Variants in TRIM44 observed in about 807,000 individuals in gnomAD.
TRIM44 encodes tripartite motif containing 44, also known as tripartite motif-containing protein 44.
In TRIM44, 13 loss-of-function variants were observed where a neutral mutation model predicts 37.4. The observed-to-expected ratio is 0.35, with a 90% CI of 0.23 to 0.55. TRIM44 has a LOEUF of 0.55. TRIM44 is among the 20% of genes least tolerant of loss of function. The pLI, the probability that TRIM44 is intolerant of heterozygous loss-of-function variation, is 0.89. For missense variants in TRIM44, 426 were observed against 437.2 expected, an observed-to-expected ratio of 0.97 and a Z score of 0.23; for synonymous variants, 175 against 157.2, an observed-to-expected ratio of 1.11 and a Z score of -0.85.
At chr11:35,709,992 A>C (rs1851946326) in intron 2 of TRIM44, among the ~76,000 whole-genome samples, 1 of 152,196 alleles carries the variant, frequency 6.6e-6, no homozygotes, top group South Asian at 2.1e-4. Flanking sequence ...CAGAAATTGG[A>C]AGTGAGGTAC....
intron 2 of TRIM44, among the ~76,000 whole-genome samples, chr11:35,723,003 C>A (rs1852127368): frequency 6.6e-6 from 1 of 152,098 alleles, no homozygotes; most frequent in Non-Finnish European, 1.5e-5. Flanking sequence ...ATCTCTCTCT[C>A]TTTCTCTCTC....
In TRIM44 at chr11:35,682,531, C is replaced by G. The variant is rs570312357; in HGVS notation, c.670-2728C>G. ...CTTATTTTATAGATTTTTAAAAAAGCCTTTGGGAAAGGTTTTCTTCACCAC... is the reference window on the plus strand; with the variant it reads ...CTTATTTTATAGATTTTTAAAAAAGGCTTTGGGAAAGGTTTTCTTCACCAC... On this transcript the variant is annotated intron_variant, in intron 1 of 4. Transcript: ENST00000299413. Among the ~76,000 whole-genome samples the G allele has an allele frequency of 5.9e-5, 9 of 152,234 alleles. No individual in the cohort carries two copies. The East Asian group carries it at 1.5e-3, about 26-fold the overall frequency.
rs568995231 is a variant in TRIM44, at chr11:35,814,930, C to T, written c.*8545C>T. 3.9e-5 allele frequency: 6 copies of T among 152,228 alleles called. No individual in the cohort carries two copies. Among genetic ancestry groups the T allele is most frequent in the East Asian group, 1.9e-4 (1 of 5,160 alleles). The allele number at this position is 152,228 out of a possible 1,614,324, so 9.4% of individuals were successfully genotyped here. A position where few individuals can be genotyped will look rare whatever the true frequency, so the allele number is the denominator to read the frequency against. On this transcript the variant is annotated 3_prime_UTR_variant, in exon 5 of 5. Coordinates refer to ENST00000299413, the MANE Select transcript of TRIM44 (RefSeq NM_017583.6). The stretch of plus-strand genomic sequence containing the variant: ...ACCACTTCCCAATGATAATGCCTGG[C>T]TCGGACCCCAGATTCACATCATACT...
At chr11:35,764,428 G>T (rs866493550) in intron 4 of TRIM44, among the ~76,000 whole-genome samples, 2 of 152,046 alleles carry the variant, frequency 1.3e-5, no homozygotes, top group Non-Finnish European at 2.9e-5. Context: ...TCGGAGAGGC[G>T]GCAGAAAACA....
rs1190884852 is a variant in TRIM44, at chr11:35,807,761, T to C, written c.*1376T>C. ...TAGGAATCTTGCAAGGTAATTCTTA[T>C]TTGCAAGTGGGTTATGTGTTCACTC... On this transcript the variant is annotated 3_prime_UTR_variant, in exon 5 of 5. Coordinates refer to ENST00000299413, the MANE Select transcript of TRIM44 (RefSeq NM_017583.6). 2.0e-5 allele frequency: 3 copies of C among 152,190 alleles called. No individual in the cohort carries two copies. Among genetic ancestry groups the C allele is most frequent in the South Asian group, 2.1e-4 (1 of 4,820 alleles). The allele number at this position is 152,190 out of a possible 1,614,324, so 9.4% of individuals were successfully genotyped here. A position where few individuals can be genotyped will look rare whatever the true frequency, so the allele number is the denominator to read the frequency against.
At chr11:35,785,702 G>T (rs1853122499) in intron 4 of TRIM44, among the ~76,000 whole-genome samples, 1 of 152,192 alleles carries the variant, frequency 6.6e-6, no homozygotes, top group African/African-American at 2.4e-5. Context: ...CCTAGGAGCT[G>T]CCCATCTTAA....
intron 1 of TRIM44, among the ~76,000 whole-genome samples, chr11:35,677,126 C>CA (rs1343646278): frequency 6.6e-6 from 1 of 152,126 alleles, no homozygotes; most frequent in African/African-American, 2.4e-5. Context: ...TGAGGAAACT[C>CA]AAAAGAGGTT....
At chr11:35,696,558 GCAAA>G (rs958934786) in intron 2 of TRIM44, among the ~76,000 whole-genome samples, 7 of 151,274 alleles carry the variant, frequency 4.6e-5, no homozygotes, top group African/African-American at 1.7e-4. Flanking sequence ...TTATTTAAAG[GCAAA>G]CAAAGGCCAA....
intron 4 of TRIM44, among the ~76,000 whole-genome samples, chr11:35,803,484 A>C (rs1167568184): frequency 6.6e-6 from 1 of 152,136 alleles, no homozygotes; most frequent in Non-Finnish European, 1.5e-5. Context: ...GTAATCCAGC[A>C]CTTTGGGAGA....
intron 4 of TRIM44, among the ~76,000 whole-genome samples, chr11:35,788,725 T>C (rs1182314110): frequency 6.6e-6 from 1 of 152,200 alleles, no homozygotes; most frequent in Non-Finnish European, 1.5e-5. Context: ...GCCTGGTCTT[T>C]CCATCCTCTT....
chr11:35,742,501 T>C (rs1407818995), intron 4 of TRIM44, among the ~76,000 whole-genome samples: 1 of 134,690 alleles, frequency 7.4e-6, no homozygotes, highest in Non-Finnish European at 1.5e-5. Flanking sequence ...TATATAATTA[T>C]ATTAAATATA....
chr11:35,725,878 T>C (rs575590910), intron 2 of TRIM44, 46 bp from the exon 3 acceptor site: 18 of 1,600,072 alleles, frequency 1.1e-5, no homozygotes, highest in Non-Finnish European at 1.5e-5. Flanking sequence ...CCCTTTTGTT[T>C]CTTTGTATGT....
At position 35,673,006 on chromosome 11, in the gene TRIM44, A is replaced by G. The variant is rs140977411; in HGVS notation, c.669+9226A>G. Among the ~76,000 whole-genome samples, 4 of 152,314 alleles carry G rather than the reference A, an allele frequency of 2.6e-5. No homozygotes were observed. The East Asian group carries it at 7.7e-4, about 29-fold the overall frequency. On this transcript the variant is annotated intron_variant, in intron 1 of 4. Transcript: ENST00000299413. The stretch of plus-strand genomic sequence containing the variant: ...TGTAGAAAGTTTATGTGAGGCCTGC[A>G]GTTCTGGGATTTCCAATCAAAATGT...
intron 4 of TRIM44, among the ~76,000 whole-genome samples, chr11:35,789,765 TAC>T (rs1590602582): frequency 1.3e-5 from 2 of 152,192 alleles, no homozygotes; most frequent in East Asian, 3.9e-4. Context: ...TTAGGGTATT[TAC>T]ACTGTTCCTT....
intron 4 of TRIM44, among the ~76,000 whole-genome samples, chr11:35,758,482 G>A (rs138108101): frequency 0.013 from 1,918 of 152,156 alleles, 43 homozygotes; most frequent in African/African-American, 0.044. Context: ...TTTAATTGGA[G>A]CATTTAGCCC....
intron 2 of TRIM44, among the ~76,000 whole-genome samples, chr11:35,718,907 C>CT (rs894181973): frequency 7.5e-6 from 1 of 134,194 alleles, no homozygotes; most frequent in East Asian, 2.1e-4. Context: ...TGTTTTTCTT[C>CT]TTTTTTTGGT....
intron 4 of TRIM44, among the ~76,000 whole-genome samples, chr11:35,796,702 G>A (rs186709329): frequency 2.0e-5 from 3 of 152,172 alleles, no homozygotes; most frequent in Non-Finnish European, 1.5e-5. Context: ...AGCAGCACTG[G>A]GGGGAGGAAA....
Position 35,663,267 on chromosome 11 carries a change from C to A in TRIM44, c.156C>A (p.Phe52Leu). Residue 52 changes from phenylalanine to leucine, a missense_variant, in exon 1 of 5, where the codon TTC becomes TTA. Transcript: ENST00000299413. Reference sequence around the variant, plus strand: ...ATGCCGAGGCGCACAGGCAGAAGTTCCTCAGTCACCATCTGGCCGAATACG... The same window carrying A: ...ATGCCGAGGCGCACAGGCAGAAGTTACTCAGTCACCATCTGGCCGAATACG... ...RRHAEAHRQK[F>L]LSHHLAEYVH... The A allele has an allele frequency of 6.2e-7, 1 of 1,612,692 alleles. No individual in the cohort carries two copies. Among genetic ancestry groups the A allele is most frequent in the Non-Finnish European group, 8.5e-7 (1 of 1,178,798 alleles).
At chr11:35,675,851 C>T (rs927258665) in intron 1 of TRIM44, among the ~76,000 whole-genome samples, 10 of 152,028 alleles carry the variant, frequency 6.6e-5, no homozygotes, top group African/African-American at 2.2e-4. Flanking sequence ...AGGGAACTCT[C>T]GAGAAGTTAT....
Sources: gnomAD v4.1 joint callset for allele counts (sites outside exome capture counted in the v4.1 genomes callset) on GRCh38, gnomAD v4.1.1 for gene constraint, MANE v1.5 for transcripts, NCBI Gene and HGNC (gene_info 2026-07-23, HGNC 2026-07-21) for gene names.